The following EXOC6B variants were observed in gnomAD, a reference collection of about 807,000 sequenced individuals.
EXOC6B encodes exocyst complex component 6B, also known as SEC15 homolog B.
In EXOC6B, 54 loss-of-function variants were observed where a neutral mutation model predicts 113.5. The ratio of observed to expected loss-of-function variants is 0.48; its 90% CI spans 0.38 to 0.60. EXOC6B has a LOEUF of 0.60. Ranked by LOEUF, EXOC6B falls within the 20% of genes least tolerant of loss-of-function variation. The probability of loss-of-function intolerance (pLI) is 0.00; values close to 1 mark genes in which losing one functional copy is unlikely to be tolerated. For missense variants in EXOC6B, 797 were observed against 977.5 expected, an observed-to-expected ratio of 0.82 and a Z score of 2.46; for synonymous variants, 357 against 339.0, an observed-to-expected ratio of 1.05 and a Z score of -0.58.
chr2:72,397,601 A>G (rs1692805120), intron 18 of EXOC6B, among the ~76,000 whole-genome samples: 1 of 148,224 alleles, frequency 6.7e-6, no homozygotes, highest in African/African-American at 2.5e-5. Context: ...GCCTGGTGAC[A>G]GGTGAAACCT....
At chr2:72,344,774 C>G (rs568309263) in intron 19 of EXOC6B, among the ~76,000 whole-genome samples, 99 of 151,666 alleles carry the variant, frequency 6.5e-4, no homozygotes, top group Non-Finnish European at 1.1e-3. Flanking sequence ...ATGTCCTAGT[C>G]TTTAATGTTT....
chr2:72,335,123 G>A lies in EXOC6B; in HGVS notation c.2123-103C>T, dbSNP rs531899657. The A allele has an allele frequency of 2.9e-6, 3 of 1,024,814 alleles. No individual in the cohort carries two copies. In the South Asian group the frequency reaches 3.9e-5, roughly 13 times the overall value. The allele number at this position is 1,024,814 out of a possible 1,614,324, so 63.5% of individuals were successfully genotyped here. ...GACAAGAGAAGCTGGGGGAGAGGAG[G>A]ACCAAGCTTCTAAGGAGTCATGTCT... On this transcript the variant is annotated intron_variant, in intron 19 of 21. Coordinates refer to ENST00000272427, the MANE Select transcript of EXOC6B (RefSeq NM_015189.3).
In EXOC6B at chr2:72,465,147, A is replaced by G. The variant is rs747815795; in HGVS notation, c.1980+13T>C. On this transcript the variant is annotated intron_variant, in intron 18 of 21. Coordinates refer to ENST00000272427, the MANE Select transcript of EXOC6B (RefSeq NM_015189.3). ...TTTATATATAAAGGACAAAGTAAGC[A>G]ACTGCCACTTACAGGAAGGTGTGTG... The G allele has an allele frequency of 6.8e-7, 1 of 1,475,782 alleles. No homozygotes were observed. 91.4% of individuals were successfully genotyped at this position (1,475,782 alleles called of 1,614,324 possible).
intron 15 of EXOC6B, among the ~76,000 whole-genome samples, chr2:72,494,941 G>A (rs977407974): frequency 6.6e-6 from 1 of 152,134 alleles, no homozygotes; most frequent in Non-Finnish European, 1.5e-5. Flanking sequence ...TAGAGCAATA[G>A]TGTTTCCAAA....
At chr2:72,705,357 C>T (rs1678779722) in intron 6 of EXOC6B, among the ~76,000 whole-genome samples, 1 of 152,100 alleles carries the variant, frequency 6.6e-6, no homozygotes, top group Admixed American at 6.5e-5. Flanking sequence ...ATGACAAACC[C>T]ACAGCCAATA....
At chr2:72,800,520 A>C (rs1685219665) in intron 1 of EXOC6B, among the ~76,000 whole-genome samples, 1 of 152,192 alleles carries the variant, frequency 6.6e-6, no homozygotes. Flanking sequence ...TTAATTTAGT[A>C]ATAATAACTA....
chr2:72,501,715 AAAC>A (rs772263460), intron 11 of EXOC6B, among the ~76,000 whole-genome samples: 33 of 151,044 alleles, frequency 2.2e-4, no homozygotes, highest in Non-Finnish European at 3.8e-4. Context: ...TTCATTAAAA[AAAC>A]AACAACAACC....
intron 1 of EXOC6B, among the ~76,000 whole-genome samples, chr2:72,787,265 G>T (rs1684427714): frequency 6.6e-6 from 1 of 151,742 alleles, no homozygotes; most frequent in East Asian, 1.9e-4. Context: ...AGGCTGGAGT[G>T]TGGTGGCGCA....
At chr2:72,455,833 GA>G (rs1697196142) in intron 18 of EXOC6B, among the ~76,000 whole-genome samples, 1 of 151,954 alleles carries the variant, frequency 6.6e-6, no homozygotes, top group African/African-American at 2.4e-5. Context: ...GAGAGAGAAA[GA>G]AAAAGAGAGA....
At chr2:72,658,286 T>TAAAAAAAAAAAAAAAAAAAAAAAAAAAAA (rs60572283) in intron 6 of EXOC6B, among the ~76,000 whole-genome samples, 1 of 58,726 alleles carries the variant, frequency 1.7e-5, no homozygotes, top group Non-Finnish European at 3.1e-5. Context: ...TAAAAACTAG[T>TAAAAAAAAAAAAAAAAAAAAAAAAAAAAA]AAAAAAAAAA....
At chr2:72,422,843 C>A (rs1275218470) in intron 18 of EXOC6B, among the ~76,000 whole-genome samples, 1 of 152,104 alleles carries the variant, frequency 6.6e-6, no homozygotes, top group Non-Finnish European at 1.5e-5. Flanking sequence ...CATGGAGAAC[C>A]TTTGTATCTA....
At chr2:72,469,045 G>A (rs1401424759) in intron 17 of EXOC6B, among the ~76,000 whole-genome samples, 1 of 151,880 alleles carries the variant, frequency 6.6e-6, no homozygotes. Context: ...ATTTAAAATT[G>A]GTGTGGTACA....
chr2:72,479,010 G>A (rs1489980080), intron 17 of EXOC6B, among the ~76,000 whole-genome samples: 51 of 152,198 alleles, frequency 3.4e-4, no homozygotes, highest in South Asian at 8.3e-4. Context: ...ACTGCCTGAG[G>A]TCATTCTGAA....
chr2:72,359,344 T>C (rs1415802972), intron 19 of EXOC6B, among the ~76,000 whole-genome samples: 1 of 152,144 alleles, frequency 6.6e-6, no homozygotes, highest in Non-Finnish European at 1.5e-5. Context: ...AGGCCCTTTT[T>C]GCCCTTCTAC....
rs1314462526 is a variant in EXOC6B, at chr2:72,276,343, ACT to A, written c.2196+58602_2196+58603del. ...CTGGGACAAAAGCTGAATTCCTGCT[ACT>A]CTCTCAGTGAGTAGGTATAGAAAAG... is the stretch of plus-strand genomic sequence containing the variant. On this transcript the variant is annotated intron_variant, in intron 20 of 21. Transcript: ENST00000272427. 4.6e-5 allele frequency among the ~76,000 whole-genome samples: 7 copies of A among 152,062 alleles called. No homozygotes were observed. The East Asian group carries it at 9.7e-4, about 21-fold the overall frequency.
intron 8 of EXOC6B, among the ~76,000 whole-genome samples, chr2:72,542,960 G>T (rs1558779099): frequency 6.6e-6 from 1 of 152,142 alleles, no homozygotes; most frequent in Non-Finnish European, 1.5e-5. Flanking sequence ...TAAGAGATCT[G>T]ATTGGACATC....
chr2:72,265,701 C>A (rs1274597564), intron 20 of EXOC6B, among the ~76,000 whole-genome samples: 1 of 151,566 alleles, frequency 6.6e-6, no homozygotes, highest in Non-Finnish European at 1.5e-5. Context: ...GTGAATAGTG[C>A]CGCAATAAAC....
chr2:72,299,454 A>G (rs149641924), intron 20 of EXOC6B, among the ~76,000 whole-genome samples: 2 of 151,866 alleles, frequency 1.3e-5, no homozygotes, highest in East Asian at 2.0e-4. Flanking sequence ...GCTTCCTTGC[A>G]TTGGGTTAGA....
rs527665519 is a variant in EXOC6B at position 72,376,066 on chromosome 2, G to A, written c.2122+3663C>T. ...CAAGCTTGCCCAGATTCAAGGGGAGGCGAATTAGATGCCATTTCTTAATGA... is the reference window on the plus strand; with the variant it reads ...CAAGCTTGCCCAGATTCAAGGGGAGACGAATTAGATGCCATTTCTTAATGA... On this transcript the variant is annotated intron_variant, in intron 19 of 21. Transcript: ENST00000272427. Among the ~76,000 whole-genome samples the A allele has an allele frequency of 1.4e-4, 22 of 152,196 alleles. No individual in the cohort carries two copies. The South Asian group carries it at 4.6e-3, about 32-fold the overall frequency.
Sources: gnomAD v4.1 joint callset for allele counts (sites outside exome capture counted in the v4.1 genomes callset) on GRCh38, gnomAD v4.1.1 for gene constraint, MANE v1.5 for transcripts, NCBI Gene and HGNC (gene_info 2026-07-23, HGNC 2026-07-21) for gene names.